Variants in ATP2C1 observed in about 807,000 individuals in gnomAD.
ATP2C1 encodes the protein calcium-transporting ATPase type 2C member 1.
ATP2C1 carries 31 observed loss-of-function variants against 120.5 expected under a neutral mutation model. The ratio of observed to expected loss-of-function variants is 0.26; its 90% confidence interval spans 0.19 to 0.35. The LOEUF is 0.35. Ranked by LOEUF, ATP2C1 falls within the 10% of genes least tolerant of loss-of-function variation. ATP2C1 has a pLI of 1.00. For synonymous variants in ATP2C1, 351 were observed against 358.7 expected, an observed-to-expected ratio of 0.98 and a Z score of 0.24; for missense variants, 731 against 1,107.5, an observed-to-expected ratio of 0.66 and a Z score of 4.83.
chr3:130,972,286 G>A (rs903739551), intron 17 of ATP2C1, among the ~76,000 whole-genome samples: 5 of 150,674 alleles, frequency 3.3e-5, no homozygotes, highest in African/African-American at 1.2e-4. Context: ...ACCATGGACT[G>A]TACTGGTCCA....
chr3:130,953,201 T>G (rs985005757), intron 8 of ATP2C1, among the ~76,000 whole-genome samples: 2 of 152,028 alleles, frequency 1.3e-5, no homozygotes, highest in East Asian at 3.9e-4. Context: ...GTAAATACTG[T>G]GTCAGGAGTG....
chr3:130,980,551 T>C (rs765212604), intron 19 of ATP2C1, 31 bp from the exon 20 acceptor site: 1 of 1,547,306 alleles, frequency 6.5e-7, no homozygotes, highest in East Asian at 2.3e-5. Context: ...AACAATTTGG[T>C]TTATTACATT....
Position 131,001,539 on chromosome 3 carries a change from T to C in ATP2C1, c.*189T>C. Reference sequence around the variant, plus strand: ...CAAATGAAATTATGCAACTTTGATATCATATTCCTTGATTTAAATTGGCTT... The same window carrying C: ...CAAATGAAATTATGCAACTTTGATACCATATTCCTTGATTTAAATTGGCTT... On this transcript the variant is annotated 3_prime_UTR_variant, in exon 28 of 28. Transcript: ENST00000510168. 7.7e-7 allele frequency: 1 copy of C among 1,301,644 alleles called. No homozygotes were observed. Among genetic ancestry groups the C allele is most frequent in the Non-Finnish European group, 9.8e-7 (1 of 1,020,754 alleles). The allele number at this position is 1,301,644 out of a possible 1,614,324, so 80.6% of individuals were successfully genotyped here. A position where few individuals can be genotyped will look rare whatever the true frequency, so the allele number is the denominator to read the frequency against.
At chr3:130,969,670 TGACATCA>T (rs1231684052) in intron 17 of ATP2C1, among the ~76,000 whole-genome samples, 1 of 152,224 alleles carries the variant, frequency 6.6e-6, no homozygotes, top group Non-Finnish European at 1.5e-5. Context: ...CTGAAGCTTG[TGACATCA>T]GATTTTTTCA....
Position 130,993,947 on chromosome 3 carries a change from G to A in ATP2C1, c.1906G>A (p.Gly636Ser), listed in dbSNP as rs1183415422. The A allele has an allele frequency of 2.5e-6, 4 of 1,614,072 alleles. No individual in the cohort carries two copies. The highest frequency in any genetic ancestry group is 1.7e-5 in the Admixed American group (1 of 60,022). ...TCCACTCTAGTCGCTACAGAAGAAC[G>A]GTTCAGTTGTAGCCATGACAGGAGA... is the stretch of plus-strand genomic sequence containing the variant. ...MKIIKSLQKNGSVVAMTGDGV... is the reference protein window; with the variant it reads ...MKIIKSLQKNSSVVAMTGDGV... Residue 636 changes from glycine to serine, a missense_variant, in exon 22 of 28, where the codon GGT (glycine) becomes AGT (serine). By Grantham distance (56) the Gly-to-Ser change is moderately conservative. Transcript: ENST00000510168.
intron 1 of ATP2C1, among the ~76,000 whole-genome samples, chr3:130,860,200 C>A (rs900764338): frequency 6.6e-6 from 1 of 152,098 alleles, no homozygotes; most frequent in Non-Finnish European, 1.5e-5. Flanking sequence ...TATCCCATTC[C>A]ATGTTTTAGA....
intron 26 of ATP2C1, among the ~76,000 whole-genome samples, chr3:131,009,782 G>A (rs2063248845): frequency 6.6e-6 from 1 of 152,176 alleles, no homozygotes; most frequent in Admixed American, 6.5e-5. Flanking sequence ...TCCAAGAGTA[G>A]TATTTAATTT....
At chr3:130,967,053 CAG>C in intron 14 of ATP2C1, 90 bp from the exon 15 acceptor site, 1 of 889,526 alleles carries the variant, frequency 1.1e-6, no homozygotes, top group Admixed American at 1.7e-5. Flanking sequence ...ATAAAATGAA[CAG>C]AACTCATTAT....
intron 1 of ATP2C1, among the ~76,000 whole-genome samples, chr3:130,876,027 A>T (rs756574496): frequency 1.3e-5 from 2 of 150,712 alleles, no homozygotes; most frequent in African/African-American, 4.9e-5. Context: ...TATATCCTGG[A>T]TATTTTGTCA....
intron 8 of ATP2C1, among the ~76,000 whole-genome samples, chr3:130,949,924 T>G (rs1250780043): frequency 2.0e-5 from 3 of 152,152 alleles, no homozygotes; most frequent in Non-Finnish European, 4.4e-5. Flanking sequence ...GAAATCCATT[T>G]CTAATCTGCA....
At chr3:130,966,892 C>T (rs2061068974) in intron 14 of ATP2C1, among the ~76,000 whole-genome samples, 1 of 152,078 alleles carries the variant, frequency 6.6e-6, no homozygotes, top group African/African-American at 2.4e-5. Context: ...ATAGCTTATT[C>T]TTTTAACAGT....
chr3:130,856,441 A>G (rs2067843193), intron 1 of ATP2C1, among the ~76,000 whole-genome samples: 1 of 152,212 alleles, frequency 6.6e-6, no homozygotes, highest in African/African-American at 2.4e-5. Flanking sequence ...CTGATTCTCT[A>G]GGTAAAATGA....
chr3:130,880,567 A>C (rs1004778534), intron 1 of ATP2C1, among the ~76,000 whole-genome samples: 11 of 152,226 alleles, frequency 7.2e-5, no homozygotes, highest in African/African-American at 2.7e-4. Context: ...TGTAGCAATA[A>C]ATTTTCTAAG....
chr3:130,993,708 T>G (rs974757015), intron 21 of ATP2C1, among the ~76,000 whole-genome samples: 1 of 152,220 alleles, frequency 6.6e-6, no homozygotes, highest in Non-Finnish European at 1.5e-5. Flanking sequence ...AAGAACAGAA[T>G]TTAGAGATAC....
chr3:130,990,802 G>C (rs769498347), intron 20 of ATP2C1, among the ~76,000 whole-genome samples: 7 of 152,178 alleles, frequency 4.6e-5, no homozygotes, highest in Non-Finnish European at 7.3e-5. Context: ...AAGATTCGCT[G>C]TCAAACTGCT....
rs141230641 is a variant in ATP2C1, at chr3:130,885,674, CTT to C, written c.108+34748_108+34749del. 8.6e-3 allele frequency among the ~76,000 whole-genome samples: 1,310 copies of C among 152,060 alleles called. 20 individuals carry two copies. The highest frequency in any genetic ancestry group is 0.029 in the African/African-American group (1,207 of 41,492). ...CCCTGCTTTTTAACGTCTTGTTTCT[CTT>C]TGTTTCATTGTACTATGTCTTGAAA... On this transcript the variant is annotated intron_variant, in intron 1 of 26. Coordinates refer to the ATP2C1 transcript ENST00000504381.
downstream of ATP2C1, among the ~76,000 whole-genome samples, chr3:131,006,598 CCAA>C (rs756704969): frequency 6.6e-6 from 1 of 151,326 alleles, no homozygotes; most frequent in Non-Finnish European, 1.5e-5. Flanking sequence ...CAGTGAAATG[CCAA>C]CAAGAATAAC....
intron 17 of ATP2C1, among the ~76,000 whole-genome samples, chr3:130,972,743 C>G (rs1032484738): frequency 6.6e-6 from 1 of 150,646 alleles, no homozygotes; most frequent in African/African-American, 2.4e-5. Flanking sequence ...CGATAGTTTA[C>G]TGAGAATGAT....
intron 2 of ATP2C1, among the ~76,000 whole-genome samples, chr3:130,922,552 TTGTC>T (rs1398439454): frequency 1.3e-5 from 2 of 152,206 alleles, no homozygotes; most frequent in Non-Finnish European, 2.9e-5. Context: ...TGACCTTAGA[TTGTC>T]TGTGCTCTTT....
Sources: allele counts gnomAD v4.1 joint callset (sites outside exome capture counted in the v4.1 genomes callset), GRCh38; gene constraint gnomAD v4.1.1; transcripts MANE v1.5; gene names NCBI Gene and HGNC (gene_info 2026-07-23, HGNC 2026-07-21).